FAM163A: variants seen among roughly 807,000 people sequenced by gnomAD.
FAM163A encodes the protein protein FAM163A.
Under a neutral mutation model 12.0 loss-of-function variants are expected in FAM163A, and 7 were observed. That is an observed-to-expected ratio of 0.58 (90% CI 0.33 to 1.10). FAM163A has a LOEUF of 1.10. Among genes scored for constraint, FAM163A ranks in the 50% least tolerant of loss-of-function variants. The pLI, the probability that FAM163A is intolerant of heterozygous loss-of-function variation, is 0.03. For missense variants in FAM163A, 202 were observed against 218.6 expected (o/e 0.92, Z 0.48); for synonymous variants, 101 against 91.0 (o/e 1.11, Z -0.62).
intron 1 of FAM163A, among the ~76,000 whole-genome samples, chr1:179,758,747 T>C (rs1230634360): frequency 6.6e-6 from 1 of 152,204 alleles, no homozygotes; most frequent in African/African-American, 2.4e-5. Flanking sequence ...CATCAGATGG[T>C]AAATAACTAC....
intron 2 of FAM163A, among the ~76,000 whole-genome samples, chr1:179,810,363 G>A (rs1413632158): frequency 2.6e-5 from 4 of 152,238 alleles, no homozygotes; most frequent in Non-Finnish European, 5.9e-5. Context: ...AAGGCCACAC[G>A]CTCCCCTGTC....
intron 1 of FAM163A, among the ~76,000 whole-genome samples, chr1:179,784,182 C>T (rs2148201835): frequency 6.6e-6 from 1 of 152,316 alleles, no homozygotes; most frequent in East Asian, 1.9e-4. Context: ...GCCCTCCACA[C>T]ATTATCATCT....
rs1259442890 is a variant in FAM163A, at chr1:179,762,882, G to A, written c.-136+19459G>A. Among the ~76,000 whole-genome samples the A allele has an allele frequency of 2.6e-5, 4 of 152,236 alleles. No individual in the cohort carries two copies. The East Asian group carries it at 7.7e-4, about 29-fold the overall frequency. ...ATCTTCCAGGAGTTCCCAGGGTAGG[G>A]GAGGAAAAAATAATTTTCCTTCTGC... On this transcript the variant is annotated intron_variant, in intron 1 of 4. Transcript: ENST00000341785.
chr1:179,783,033 G>A (rs903696680), intron 1 of FAM163A, among the ~76,000 whole-genome samples: 1 of 152,012 alleles, frequency 6.6e-6, no homozygotes, highest in East Asian at 1.9e-4. Flanking sequence ...GGGAGGCTGA[G>A]GCATGAGAAT....
chr1:179,814,370 C>A lies in FAM163A; in HGVS notation c.*181C>A. On this transcript the variant is annotated 3_prime_UTR_variant, in exon 5 of 5. Transcript: ENST00000341785. ...GAGTGCATTGAGAACCAAGACAGGG[C>A]CTGGCTCCAACTCTGTGGGCCAGAG... 1.2e-6 allele frequency: 1 copy of A among 812,358 alleles called. No homozygotes were observed. Among genetic ancestry groups the A allele is most frequent in the Non-Finnish European group, 1.8e-6 (1 of 542,548 alleles). 50.3% of individuals were successfully genotyped at this position (812,358 alleles called of 1,614,324 possible).
intron 1 of FAM163A, among the ~76,000 whole-genome samples, chr1:179,759,147 G>A (rs1686448063): frequency 6.6e-6 from 1 of 152,086 alleles, no homozygotes; most frequent in Non-Finnish European, 1.5e-5. Flanking sequence ...TCTTTGTCAC[G>A]AGGAGTTTTC....
intron 1 of FAM163A, among the ~76,000 whole-genome samples, chr1:179,789,615 G>T (rs1290938019): frequency 6.6e-6 from 1 of 152,342 alleles, no homozygotes; most frequent in South Asian, 2.1e-4. Flanking sequence ...TCTCTTAAAA[G>T]AGAAGGGTGG....
intron 1 of FAM163A, among the ~76,000 whole-genome samples, chr1:179,766,434 T>G (rs577563327): frequency 6.6e-6 from 1 of 152,314 alleles, no homozygotes; most frequent in Admixed American, 6.5e-5. Context: ...ACTCAGTCTA[T>G]TCACATTAGA....
Position 179,811,129 on chromosome 1 carries a change from G to T in FAM163A, c.-44-981G>T, listed in dbSNP as rs190844751. 5.9e-5 allele frequency among the ~76,000 whole-genome samples: 9 copies of T among 152,222 alleles called. No individual in the cohort carries two copies. In the East Asian group the frequency reaches 1.7e-3, roughly 29 times the overall value. ...AGGTGAGGAGGGAAAGATAAATAGG[G>T]TAAGTGTGCAGGAACGTGGGGGATG... On this transcript the variant is annotated intron_variant, in intron 2 of 4. Coordinates refer to ENST00000341785, the MANE Select transcript of FAM163A (RefSeq NM_173509.3).
intron 1 of FAM163A, among the ~76,000 whole-genome samples, chr1:179,761,766 GTAT>G (rs1311815195): frequency 1.3e-5 from 2 of 152,170 alleles, no homozygotes; most frequent in Non-Finnish European, 2.9e-5. Flanking sequence ...GGATAATCGA[GTAT>G]TGAGCAGCAA....
At chr1:179,804,623 C>T (rs1474609963) in intron 1 of FAM163A, among the ~76,000 whole-genome samples, 1 of 152,286 alleles carries the variant, frequency 6.6e-6, no homozygotes, top group East Asian at 1.9e-4. Context: ...ACTATGCAGC[C>T]ATAAAGAAGA....
intron 1 of FAM163A, among the ~76,000 whole-genome samples, chr1:179,762,908 T>C (rs1687001919): frequency 6.6e-6 from 1 of 152,194 alleles, no homozygotes; most frequent in African/African-American, 2.4e-5. Flanking sequence ...TTCCTTCTGC[T>C]TTTCAGAGTT....
intron 2 of FAM163A, among the ~76,000 whole-genome samples, chr1:179,810,362 C>T (rs1360758209): frequency 1.3e-5 from 2 of 152,112 alleles, no homozygotes; most frequent in South Asian, 2.1e-4. Flanking sequence ...AAAGGCCACA[C>T]GCTCCCCTGT....
intron 1 of FAM163A, among the ~76,000 whole-genome samples, chr1:179,770,802 GA>G (rs112241309): frequency 0.24 from 36,135 of 151,934 alleles, 4,609 homozygotes; most frequent in African/African-American, 0.29. Context: ...TGCTCACCTG[GA>G]AACGCCCCCA....
rs1695126980 is a variant in FAM163A at position 179,814,459 on chromosome 1, AG to A, written c.*271del. 1 of 465,808 alleles carries A rather than the reference AG, an allele frequency of 2.1e-6. No individual in the cohort carries two copies. The allele number at this position is 465,808 out of a possible 1,614,324, so 28.9% of individuals were successfully genotyped here. Reference sequence around the variant, plus strand: ...TTCTTGGTTGGGACACTCCTCTGGCAGCCCCAGCACCACCACAACCCCTTGC... The same window carrying A: ...TTCTTGGTTGGGACACTCCTCTGGCACCCCAGCACCACCACAACCCCTTGC... On this transcript the variant is annotated 3_prime_UTR_variant, in exon 5 of 5. Transcript: ENST00000341785.
At chr1:179,746,948 T>A (rs1684554778) in intron 1 of FAM163A, among the ~76,000 whole-genome samples, 1 of 152,132 alleles carries the variant, frequency 6.6e-6, no homozygotes, top group South Asian at 2.1e-4. Context: ...CAAGTTATGA[T>A]CATCCAGCCT....
chr1:179,748,314 G>C (rs1571301855), intron 1 of FAM163A, among the ~76,000 whole-genome samples: 1 of 152,296 alleles, frequency 6.6e-6, no homozygotes, highest in Middle Eastern at 3.4e-3. Context: ...GTTGCCCACA[G>C]TGGTGGGAGC....
chr1:179,806,826 G>C (rs751505776), intron 1 of FAM163A, among the ~76,000 whole-genome samples: 2 of 151,624 alleles, frequency 1.3e-5, no homozygotes, highest in Non-Finnish European at 2.9e-5. Flanking sequence ...TGTCCTGGCC[G>C]GGCATAGTGG....
intron 1 of FAM163A, among the ~76,000 whole-genome samples, chr1:179,771,767 C>G (rs1041005055): frequency 6.6e-6 from 1 of 152,032 alleles, no homozygotes; most frequent in East Asian, 1.9e-4. Context: ...CTTGCCAAAT[C>G]CCCCCATGCC....
Sources: gnomAD v4.1 joint callset for allele counts (sites outside exome capture counted in the v4.1 genomes callset) on GRCh38, gnomAD v4.1.1 for gene constraint, MANE v1.5 for transcripts, NCBI Gene and HGNC (gene_info 2026-07-23, HGNC 2026-07-21) for gene names.